The following LHFPL2 variants were observed in gnomAD, a reference collection of about 807,000 sequenced individuals.
The protein encoded by LHFPL2 is LHFPL tetraspan subfamily member 2.
LHFPL2 carries 7 observed loss-of-function variants against 17.5 expected under a neutral mutation model. That is an observed-to-expected ratio of 0.40 (90% CI 0.23 to 0.75). LHFPL2 has a LOEUF of 0.75. Ranked by LOEUF, LHFPL2 falls within the 30% of genes least tolerant of loss-of-function variation. The pLI, the probability that LHFPL2 is intolerant of heterozygous loss-of-function variation, is 0.37. For missense variants in LHFPL2, 241 were observed against 294.8 expected (o/e 0.82, Z 1.34); for synonymous variants, 134 against 116.2 (o/e 1.15, Z -0.99).
At chr5:78,645,352 G>A (rs1225517032) in intron 1 of LHFPL2, among the ~76,000 whole-genome samples, 1 of 151,844 alleles carries the variant, frequency 6.6e-6, no homozygotes, top group East Asian at 1.9e-4. Context: ...CAAGGGAGTG[G>A]CTCCCTAGGT....
intron 3 of LHFPL2, among the ~76,000 whole-genome samples, chr5:78,526,724 T>C (rs1227221912): frequency 2.6e-5 from 4 of 152,230 alleles, no homozygotes; most frequent in African/African-American, 9.6e-5. Flanking sequence ...AGTGATTTTT[T>C]ACCATGATAT....
At chr5:78,496,170 C>T (rs1225321528) in intron 4 of LHFPL2, among the ~76,000 whole-genome samples, 1 of 152,252 alleles carries the variant, frequency 6.6e-6, no homozygotes, top group Non-Finnish European at 1.5e-5. Flanking sequence ...CCTGATGATA[C>T]AACAGTATCC....
intron 3 of LHFPL2, among the ~76,000 whole-genome samples, chr5:78,557,521 G>C (rs1161961250): frequency 6.6e-6 from 1 of 152,220 alleles, no homozygotes; most frequent in Non-Finnish European, 1.5e-5. Context: ...GCAGAATGTG[G>C]TGGCAAGGCA....
intron 2 of LHFPL2, among the ~76,000 whole-genome samples, chr5:78,617,219 G>A (rs531166324): frequency 2.0e-5 from 3 of 152,042 alleles, no homozygotes; most frequent in Admixed American, 6.6e-5. Context: ...TAGTAGAGAC[G>A]GGGTTTCATC....
intron 3 of LHFPL2, among the ~76,000 whole-genome samples, chr5:78,543,931 G>A (rs995776913): frequency 6.6e-6 from 1 of 152,210 alleles, no homozygotes; most frequent in African/African-American, 2.4e-5. Context: ...GCAATTCCAG[G>A]TGGAGATAGC....
chr5:78,495,968 G>A (rs1754592781), intron 4 of LHFPL2, among the ~76,000 whole-genome samples: 1 of 152,170 alleles, frequency 6.6e-6, no homozygotes, highest in Non-Finnish European at 1.5e-5. Context: ...GACCCCCTTG[G>A]ACGCTCACGC....
At chr5:78,532,661 CT>C (rs920430557) in intron 3 of LHFPL2, among the ~76,000 whole-genome samples, 4 of 151,996 alleles carry the variant, frequency 2.6e-5, no homozygotes, top group Non-Finnish European at 5.9e-5. Context: ...ACTATGAATC[CT>C]TTTTTAAAAA....
Position 78,523,328 on chromosome 5 carries a change from A to C in LHFPL2, c.-185-12930T>G, listed in dbSNP as rs572603856. On this transcript the variant is annotated intron_variant, in intron 3 of 4. Transcript: ENST00000380345. ...ATTTGTGAACTTTTTATAATGGTTTACGAGGAACTAGAATGACCCTTAACT... is the reference window on the plus strand; with the variant it reads ...ATTTGTGAACTTTTTATAATGGTTTCCGAGGAACTAGAATGACCCTTAACT... 2.0e-5 allele frequency among the ~76,000 whole-genome samples: 3 copies of C among 152,300 alleles called. No individual in the cohort carries two copies. In the South Asian group the frequency reaches 6.2e-4, roughly 32 times the overall value.
intron 1 of LHFPL2, among the ~76,000 whole-genome samples, chr5:78,640,231 A>G (rs1263210288): frequency 6.6e-6 from 1 of 152,218 alleles, no homozygotes; most frequent in Admixed American, 6.5e-5. Flanking sequence ...CACTTATTTA[A>G]TTCAGTATTT....
At chr5:78,627,908 A>C (rs1580872187) in intron 2 of LHFPL2, among the ~76,000 whole-genome samples, 1 of 152,226 alleles carries the variant, frequency 6.6e-6, no homozygotes, top group East Asian at 1.9e-4. Flanking sequence ...CAAAAGACTA[A>C]GTCCCAACTC....
intron 3 of LHFPL2, among the ~76,000 whole-genome samples, chr5:78,513,364 A>G (rs1196313572): frequency 1.3e-5 from 2 of 152,190 alleles, no homozygotes; most frequent in African/African-American, 4.8e-5. Flanking sequence ...TTATGCTAAA[A>G]CATTTCCTCA....
chr5:78,495,240 A>T (rs1305001401), intron 4 of LHFPL2, among the ~76,000 whole-genome samples: 1 of 152,218 alleles, frequency 6.6e-6, no homozygotes, highest in African/African-American at 2.4e-5. Context: ...TTTGTGAAGA[A>T]GTGGGATAAG....
intron 3 of LHFPL2, among the ~76,000 whole-genome samples, chr5:78,519,649 A>G (rs926617770): frequency 2.6e-5 from 4 of 152,174 alleles, no homozygotes; most frequent in African/African-American, 9.7e-5. Flanking sequence ...CCGCATAGGG[A>G]TGTTGTGAGG....
chr5:78,563,978 G>T (rs555200490), intron 3 of LHFPL2, among the ~76,000 whole-genome samples: 1 of 152,270 alleles, frequency 6.6e-6, no homozygotes, highest in African/African-American at 2.4e-5. Context: ...CCTAGAATCT[G>T]CAAGCTAAAA....
intron 2 of LHFPL2, among the ~76,000 whole-genome samples, chr5:78,569,996 A>G (rs994450622): frequency 1.3e-5 from 2 of 152,228 alleles, no homozygotes; most frequent in Non-Finnish European, 2.9e-5. Flanking sequence ...CCAGGTGTGC[A>G]TATCAAAACA....
chr5:78,507,592 T>C, intron 4 of LHFPL2, among the ~76,000 whole-genome samples: 1 of 152,204 alleles, frequency 6.6e-6, no homozygotes, highest in African/African-American at 2.4e-5. Flanking sequence ...TTTAGTGTTA[T>C]GGCCCAAGAT....
At chr5:78,548,144 C>A (rs1756339377) in intron 3 of LHFPL2, among the ~76,000 whole-genome samples, 1 of 152,246 alleles carries the variant, frequency 6.6e-6, no homozygotes, top group Non-Finnish European at 1.5e-5. Flanking sequence ...CTCACTCTGG[C>A]CAGCACGGCT....
rs1380845717 is a variant in LHFPL2 at position 78,489,002 on chromosome 5, G to A, written c.582C>T (p.Leu194=). 1 of 1,614,122 alleles carries A rather than the reference G, an allele frequency of 6.2e-7. No homozygotes were observed. The highest frequency in any genetic ancestry group is 8.5e-7 in the Non-Finnish European group (1 of 1,180,048). Reference sequence around the variant, plus strand: ...CAGAGAAGACAGCACAGATGAAAGTGAGGACTGTGCCCCCAATGGCGGTAT... The same window carrying A: ...CAGAGAAGACAGCACAGATGAAAGTAAGGACTGTGCCCCCAATGGCGGTAT... ...AFYTAIGGTV[L]TFICAVFSAQ... The change falls in exon 5 of 5, where the codon CTC becomes CTT. Residue 194 remains leucine (L), a synonymous_variant. Coordinates refer to ENST00000380345, the MANE Select transcript of LHFPL2 (RefSeq NM_005779.3).
At chr5:78,568,796 T>A (rs757256476) in intron 2 of LHFPL2, among the ~76,000 whole-genome samples, 4 of 152,092 alleles carry the variant, frequency 2.6e-5, no homozygotes, top group South Asian at 2.1e-4. Context: ...TCTATGCCCA[T>A]CCACAGCAAG....
Sources: allele counts gnomAD v4.1 joint callset (sites outside exome capture counted in the v4.1 genomes callset), GRCh38; gene constraint gnomAD v4.1.1; transcripts MANE v1.5; gene names NCBI Gene and HGNC (gene_info 2026-07-23, HGNC 2026-07-21).